The following FAM185A variants were observed in gnomAD, a reference collection of about 807,000 sequenced individuals.
FAM185A encodes the protein family with sequence similarity 185 member A, also known as protein FAM185A.
FAM185A carries 21 observed loss-of-function variants against 45.7 expected under a neutral mutation model. That is an observed-to-expected ratio of 0.46 (90% CI 0.33 to 0.66). The LOEUF is 0.66. Among genes scored for constraint, FAM185A ranks in the 30% least tolerant of loss-of-function variants. The pLI is 0.03. For missense variants in FAM185A, 305 were observed against 485.4 expected (o/e 0.63, Z 3.49); for synonymous variants, 117 against 194.0 (o/e 0.60, Z 3.30).
At position 102,808,607 on chromosome 7, in the gene FAM185A, A is replaced by G. The variant is rs576490460; in HGVS notation, c.*205A>G. 1.1e-5 allele frequency: 6 copies of G among 542,730 alleles called. No individual in the cohort carries two copies. In the East Asian group the frequency reaches 1.9e-4, roughly 17 times the overall value. 33.6% of individuals were successfully genotyped at this position (542,730 alleles called of 1,614,324 possible). A position where few individuals can be genotyped will look rare whatever the true frequency, so the allele number is the denominator to read the frequency against. On this transcript the variant is annotated 3_prime_UTR_variant, in exon 8 of 8. Coordinates refer to ENST00000413034, the MANE Select transcript of FAM185A (RefSeq NM_001145268.2). ...CTCTGTAACAAATTACCACAAATTT[A>G]GCAGCATAAAATAATACTCATTTAC... is the stretch of plus-strand genomic sequence containing the variant.
At chr7:102,846,981 A>C in the FAM185A span, among the ~76,000 whole-genome samples, 279 of 152,348 alleles carry the variant, frequency 1.8e-3, 2 homozygotes, top group African/African-American at 6.4e-3. Context: ...ATGGTTGAAA[A>C]AAAAGCAACA....
At chr7:102,833,436 C>CTT in the FAM185A span, among the ~76,000 whole-genome samples, 44 of 134,592 alleles carry the variant, frequency 3.3e-4, no homozygotes, top group Middle Eastern at 3.8e-3. Context: ...AGCCTGTTTC[C>CTT]TTTTTTTTTT....
At chr7:102,834,424 ATG>A in the FAM185A span, among the ~76,000 whole-genome samples, 1 of 143,300 alleles carries the variant, frequency 7.0e-6, no homozygotes, top group African/African-American at 2.6e-5. Context: ...TATTATATAT[ATG>A]TGTGATTATA....
At chr7:102,806,419 A>G (rs981377313) in intron 7 of FAM185A, among the ~76,000 whole-genome samples, 1 of 152,338 alleles carries the variant, frequency 6.6e-6, no homozygotes, top group African/African-American at 2.4e-5. Context: ...TCCTGACCGC[A>G]GGTGACCTGC....
intron 7 of FAM185A, among the ~76,000 whole-genome samples, chr7:102,798,444 T>G (rs1796575493): frequency 6.6e-6 from 1 of 152,330 alleles, no homozygotes; most frequent in South Asian, 2.1e-4. Flanking sequence ...GAGTATTGTC[T>G]CTAAGCTGAA....
intron 7 of FAM185A, among the ~76,000 whole-genome samples, chr7:102,794,090 C>A (rs920682062): frequency 2.9e-5 from 4 of 136,340 alleles, no homozygotes; most frequent in African/African-American, 1.1e-4. Flanking sequence ...TCAGGGCATA[C>A]AAAAACAGGC....
chr7:102,757,574 G>A (rs922645722), intron 2 of FAM185A, among the ~76,000 whole-genome samples: 7 of 152,210 alleles, frequency 4.6e-5, no homozygotes, highest in Non-Finnish European at 5.9e-5. Context: ...TGGTCACAGT[G>A]ATTTTTGATT....
chr7:102,778,449 A>G (rs1395244750), intron 6 of FAM185A, among the ~76,000 whole-genome samples: 2 of 152,294 alleles, frequency 1.3e-5, no homozygotes, highest in African/African-American at 2.4e-5. Context: ...TATTGTTAAT[A>G]TAACTAGTAA....
At chr7:102,813,138 C>A (rs1797549820), downstream of FAM185A, 1 of 568,200 alleles carries the variant, frequency 1.8e-6, no homozygotes, top group Non-Finnish European at 2.9e-6. Context: ...CCGCTCCTGG[C>A]CTGGCTTCTT....
At chr7:102,749,942 C>T (rs1314791037) in intron 1 of FAM185A, among the ~76,000 whole-genome samples, 1 of 152,134 alleles carries the variant, frequency 6.6e-6, no homozygotes, top group African/African-American at 2.4e-5. Context: ...TCCTTTATCC[C>T]GTTGTCATTA....
the FAM185A span, among the ~76,000 whole-genome samples, chr7:102,848,481 A>T: frequency 1.2e-5 from 1 of 82,538 alleles, no homozygotes; most frequent in Admixed American, 1.2e-4. Flanking sequence ...GCGTGAACCC[A>T]AGAGGCGGAG....
intron 5 of FAM185A, among the ~76,000 whole-genome samples, chr7:102,776,096 C>CTATACACACACACACACACACACATA (rs1562858766): frequency 1.0e-5 from 1 of 97,146 alleles, no homozygotes; most frequent in African/African-American, 6.2e-5. Flanking sequence ...ATGTTGGCTC[C>CTATACACACACACACACACACACATA]TATACACACA....
rs377265738 is a variant in FAM185A at position 102,766,107 on chromosome 7, T to C, written c.793+4696T>C. On this transcript the variant is annotated intron_variant, in intron 4 of 7. Transcript: ENST00000413034. The stretch of plus-strand genomic sequence containing the variant: ...TATTGGAGACAATGAAAAACTTCCT[T>C]GAAATGGTTTGCTAGGATTGGTTTT... Among the ~76,000 whole-genome samples the C allele has an allele frequency of 6.2e-4, 94 of 152,382 alleles. No homozygotes were observed. The East Asian group carries it at 0.012, about 19-fold the overall frequency.
intron 7 of FAM185A, among the ~76,000 whole-genome samples, chr7:102,797,275 A>C (rs1446801653): frequency 6.6e-6 from 1 of 152,170 alleles, no homozygotes; most frequent in Non-Finnish European, 1.5e-5. Flanking sequence ...ATACTGGCTA[A>C]CATGGTGAAA....
the FAM185A span, among the ~76,000 whole-genome samples, chr7:102,850,020 A>G: frequency 1.3e-5 from 2 of 152,000 alleles, no homozygotes; most frequent in Admixed American, 1.3e-4. Flanking sequence ...TAGAAAAAAA[A>G]AAGAAAAATT....
the FAM185A span, among the ~76,000 whole-genome samples, chr7:102,848,724 C>T: frequency 4.0e-5 from 6 of 151,890 alleles, no homozygotes; most frequent in South Asian, 2.1e-4. Flanking sequence ...CCAGGCACGG[C>T]GCCTCACACC....
chr7:102,821,286 A>G, the FAM185A span, among the ~76,000 whole-genome samples: 1 of 152,052 alleles, frequency 6.6e-6, no homozygotes, highest in African/African-American at 2.4e-5. Flanking sequence ...CTCTGATCCA[A>G]CTCCAGCTGG....
chr7:102,821,909 A>G, the FAM185A span: 1 of 1,035,484 alleles, frequency 9.7e-7, no homozygotes, highest in Non-Finnish European at 1.4e-6. Context: ...AGCTTCAATT[A>G]GGCAAAAAAT....
intron 7 of FAM185A, among the ~76,000 whole-genome samples, chr7:102,793,610 AAAG>A (rs1186460669): frequency 3.3e-5 from 5 of 152,076 alleles, no homozygotes; most frequent in Admixed American, 6.6e-5. Flanking sequence ...TTGCCCCAAA[AAAG>A]AAGATCAGGT....
Sources: allele counts gnomAD v4.1 joint callset (sites outside exome capture counted in the v4.1 genomes callset), GRCh38; gene constraint gnomAD v4.1.1; transcripts MANE v1.5; gene names NCBI Gene and HGNC (gene_info 2026-07-23, HGNC 2026-07-21).